The following HECW1 variants were observed in gnomAD, a reference collection of about 807,000 sequenced individuals.
HECW1 encodes the protein E3 ubiquitin-protein ligase HECW1.
A neutral mutation model predicts 182.3 loss-of-function variants in HECW1; 61 were observed. That is an observed-to-expected ratio of 0.33 (90% CI 0.27 to 0.41). The LOEUF (loss-of-function observed/expected upper bound fraction) is 0.41, where lower values mean the gene tolerates loss of function less well. Ranked by LOEUF, HECW1 falls within the 10% of genes least tolerant of loss-of-function variation. The pLI is 1.00. For missense variants in HECW1, 1,739 were observed against 2,108.9 expected, an observed-to-expected ratio of 0.82 and a Z score of 3.44; for synonymous variants, 859 against 832.6, an observed-to-expected ratio of 1.03 and a Z score of -0.55.
chr7:43,359,257 A>G (rs543294877), intron 5 of HECW1, among the ~76,000 whole-genome samples: 4 of 152,328 alleles, frequency 2.6e-5, no homozygotes, highest in Admixed American at 6.5e-5. Context: ...TAAACTGCAT[A>G]GGTGTTATTC....
In HECW1 at chr7:43,401,567, G is replaced by GTT. The variant is rs10574466; in HGVS notation, c.631+4696_631+4697dup. Among the ~76,000 whole-genome samples the GTT allele has an allele frequency of 4.3e-3, 530 of 123,188 alleles. 6 individuals carry two copies. The highest frequency in any genetic ancestry group is 0.018 in the Middle Eastern group (4 of 218). 80.8% of individuals were successfully genotyped at this position (123,188 alleles called of 152,430 possible). A position where few individuals can be genotyped will look rare whatever the true frequency, so the allele number is the denominator to read the frequency against. On this transcript the variant is annotated intron_variant, in intron 7 of 29. Transcript: ENST00000395891. ...ACCTAGACAAATCTCATTTAAAAAG[G>GTT]TTTTTTTTTTTTTTTTTTTCCCCCA...
At chr7:43,199,268 T>A (rs1358706041) in intron 2 of HECW1, among the ~76,000 whole-genome samples, 1 of 152,260 alleles carries the variant, frequency 6.6e-6, no homozygotes, top group Non-Finnish European at 1.5e-5. Context: ...ATTTTAAAAG[T>A]GTGTTTTATA....
rs1048118202 is a variant in HECW1 at position 43,565,465 on chromosome 7, C to T, written c.*3539C>T. 19 of 191,622 alleles carry T rather than the reference C, an allele frequency of 9.9e-5. No homozygotes were observed. The highest frequency in any genetic ancestry group is 1.9e-4 in the Non-Finnish European group (17 of 91,672). The allele number at this position is 191,622 out of a possible 1,614,324, so 11.9% of individuals were successfully genotyped here. ...AAACCATGTGTCCAAAATTTGGGTT[C>T]GGAAATTTCTCAGTTGCCACAAATA... On this transcript the variant is annotated 3_prime_UTR_variant, in exon 30 of 30. Transcript: ENST00000395891.
At chr7:43,289,546 G>A (rs1461207990) in intron 3 of HECW1, among the ~76,000 whole-genome samples, 1 of 152,262 alleles carries the variant, frequency 6.6e-6, no homozygotes, top group African/African-American at 2.4e-5. Flanking sequence ...ATGGGCTAGT[G>A]TGGAAGAGGA....
At chr7:43,237,831 TTC>T (rs1491223606) in intron 2 of HECW1, among the ~76,000 whole-genome samples, 17 of 139,770 alleles carry the variant, frequency 1.2e-4, no homozygotes, top group South Asian at 2.2e-4. Flanking sequence ...TCACCAGTCT[TTC>T]CCCCCCGCCG....
At chr7:43,224,903 G>A (rs1226151930) in intron 2 of HECW1, among the ~76,000 whole-genome samples, 1 of 152,206 alleles carries the variant, frequency 6.6e-6, no homozygotes, top group Non-Finnish European at 1.5e-5. Context: ...TGGAGGGAGT[G>A]GCTGGGAGAG....
intron 24 of HECW1, among the ~76,000 whole-genome samples, chr7:43,526,198 C>T (rs78484705): frequency 6.6e-6 from 1 of 152,168 alleles, no homozygotes; most frequent in Admixed American, 6.5e-5. Flanking sequence ...TCTTGTGTGG[C>T]ATGGCAACTT....
chr7:43,125,382 A>G (rs1583593857), intron 2 of HECW1, among the ~76,000 whole-genome samples: 2 of 152,296 alleles, frequency 1.3e-5, no homozygotes, highest in East Asian at 3.9e-4. Context: ...ACTTGCTCTG[A>G]GTCCAGAATG....
At chr7:43,260,913 G>A (rs531924805) in intron 3 of HECW1, among the ~76,000 whole-genome samples, 41 of 152,330 alleles carry the variant, frequency 2.7e-4, no homozygotes, top group African/African-American at 9.1e-4. Context: ...TGTGTGCCAA[G>A]CACTATTCTA....
At chr7:43,495,551 G>A (rs1323083777) in intron 19 of HECW1, among the ~76,000 whole-genome samples, 1 of 152,078 alleles carries the variant, frequency 6.6e-6, no homozygotes, top group Non-Finnish European at 1.5e-5. Context: ...CCTTGTCTTT[G>A]TGCCCACTCT....
intron 26 of HECW1, among the ~76,000 whole-genome samples, chr7:43,546,102 C>T (rs1329227077): frequency 6.6e-6 from 1 of 151,572 alleles, no homozygotes; most frequent in African/African-American, 2.4e-5. Context: ...CTGAACCTGG[C>T]ACTGGTTCAG....
intron 3 of HECW1, among the ~76,000 whole-genome samples, chr7:43,266,769 C>A (rs998146642): frequency 3.3e-5 from 5 of 152,126 alleles, no homozygotes; most frequent in African/African-American, 9.7e-5. Context: ...CAGAAAAATT[C>A]TCAAACTGGA....
Position 43,432,428 on chromosome 7 carries a change from C to T in HECW1, c.802-5575C>T, listed in dbSNP as rs1357530812. On this transcript the variant is annotated intron_variant, in intron 8 of 29. Transcript: ENST00000395891. This position sits in a 1 kb window ranked among gnomAD's most constrained non-coding sequence, Gnocchi z 4.1. ...TGCTGGGATTACAGGTGTGAGCCAC[C>T]GCGCCCGGCCCAGTTGTTTATTTTT... Among the ~76,000 whole-genome samples, 2 of 152,262 alleles carry T rather than the reference C, an allele frequency of 1.3e-5. No homozygotes were observed. The highest frequency in any genetic ancestry group is 6.5e-5 in the Admixed American group (1 of 15,294).
chr7:43,335,812 TTTC>T (rs1035472913), intron 5 of HECW1, among the ~76,000 whole-genome samples: 5 of 151,298 alleles, frequency 3.3e-5, no homozygotes, highest in Admixed American at 1.3e-4. Context: ...TCTCTTTCCT[TTTC>T]TTCATTTTTC....
At chr7:43,507,061 C>T (rs1300572220) in intron 21 of HECW1, 76 bp from the exon 22 acceptor site, 15 of 1,535,610 alleles carry the variant, frequency 9.8e-6, no homozygotes, top group Non-Finnish European at 1.2e-5. Flanking sequence ...CAGAGCGAGA[C>T]TCCTTCTCAA....
At chr7:43,442,858 T>C (rs900605839) in intron 10 of HECW1, among the ~76,000 whole-genome samples, 1 of 152,206 alleles carries the variant, frequency 6.6e-6, no homozygotes, top group African/African-American at 2.4e-5. Flanking sequence ...GAGTAGACAG[T>C]GGACTGAAGG....
chr7:43,187,334 A>G (rs1793502744), intron 2 of HECW1, among the ~76,000 whole-genome samples: 2 of 141,884 alleles, frequency 1.4e-5, no homozygotes. Context: ...GCAGCCTTTC[A>G]AGTGGAGGAA....
intron 6 of HECW1, among the ~76,000 whole-genome samples, chr7:43,371,387 C>A (rs559643765): frequency 6.6e-6 from 1 of 152,182 alleles, no homozygotes; most frequent in Middle Eastern, 3.4e-3. Flanking sequence ...GGAGGCTGTG[C>A]GTGTGTGGGG....
chr7:43,190,797 T>C (rs2152683097), intron 2 of HECW1, among the ~76,000 whole-genome samples: 1 of 152,344 alleles, frequency 6.6e-6, no homozygotes, highest in East Asian at 1.9e-4. Flanking sequence ...TCAAGGCCTC[T>C]AAGTTCATAA....
Sources: gnomAD v4.1 joint callset for allele counts (sites outside exome capture counted in the v4.1 genomes callset) on GRCh38, gnomAD v4.1.1 for gene constraint, Gnocchi (gnomAD v3.1) non-coding constraint, MANE v1.5 for transcripts, NCBI Gene and HGNC (gene_info 2026-07-23, HGNC 2026-07-21) for gene names.